CASD1: variants seen among roughly 807,000 people sequenced by gnomAD.
The protein encoded by CASD1 is CAS1 domain sialic acid O acetyltransferase 1.
In CASD1, 41 loss-of-function variants were observed where a neutral mutation model predicts 100.0. The ratio of observed to expected loss-of-function variants is 0.41; its 90% CI spans 0.32 to 0.53. The LOEUF is 0.53. Ranked by LOEUF, CASD1 falls within the 20% of genes least tolerant of loss-of-function variation. The probability of loss-of-function intolerance (pLI) is 0.25; values close to 1 mark genes in which losing one functional copy is unlikely to be tolerated. For synonymous variants in CASD1, 321 were observed against 315.6 expected (o/e 1.02, Z -0.18); for missense variants, 774 against 948.7 (o/e 0.82, Z 2.42).
chr7:94,533,835 G>C, intron 7 of CASD1, 33 bp downstream of exon 7: 3 of 1,503,972 alleles, frequency 2.0e-6, no homozygotes, highest in Non-Finnish European at 2.7e-6. Context: ...ATGTCACTTT[G>C]TGTATATTTT....
chr7:94,618,366 T>C, the CASD1 span: 8,358 of 175,072 alleles, frequency 0.048, 288 homozygotes, highest in Non-Finnish European at 0.069. Context: ...GTGGAAAGAA[T>C]GTTAAAGATG....
chr7:94,551,575 T>A (rs982749213), intron 15 of CASD1, 97 bp downstream of exon 15: 2 of 495,150 alleles, frequency 4.0e-6, no homozygotes, highest in Non-Finnish European at 6.1e-6. Context: ...AAATCTTTTT[T>A]TCTCCTTATT....
chr7:94,619,279 G>T, the CASD1 span: 1 of 209,660 alleles, frequency 4.8e-6, no homozygotes, highest in African/African-American at 2.3e-5. Context: ...CTGATCTTTT[G>T]GGGAGCATGC....
chr7:94,544,522 G>C lies in CASD1; in HGVS notation c.1468G>C (p.Val490Leu). 2 of 1,612,124 alleles carry C rather than the reference G, an allele frequency of 1.2e-6. No homozygotes were observed. The highest frequency in any genetic ancestry group is 1.7e-6 in the Non-Finnish European group (2 of 1,179,078). The part of the protein sequence containing the change: ...WIKGDFGIYR[V>L]CQVLFRLNFL... ...AAAAGGAGATTTTGGAATCTATAGA[G>C]TATGTCAGGTAGGAATGCACTGTTA... Residue 490 changes from valine (V) to leucine (L), a missense_variant, in exon 11 of 18, where the codon GTA (valine) becomes CTA (leucine). Coordinates refer to ENST00000297273, the MANE Select transcript of CASD1 (RefSeq NM_022900.5).
chr7:94,625,223 A>G, the CASD1 span: 12 of 152,130 alleles, frequency 7.9e-5, 1 homozygote, highest in East Asian at 1.3e-3. Context: ...ATATGATTAA[A>G]TATTATATAT....
chr7:94,597,255 C>T, the CASD1 span: 4 of 152,168 alleles, frequency 2.6e-5, no homozygotes, highest in African/African-American at 4.8e-5. Context: ...CCATTACTTA[C>T]ACTCTCATAC....
At chr7:94,572,462 A>T in the CASD1 span, among the ~76,000 whole-genome samples, 1 of 152,182 alleles carries the variant, frequency 6.6e-6, no homozygotes, top group East Asian at 1.9e-4. Context: ...TTGTACATTC[A>T]TCATTTCTCT....
chr7:94,531,830 T>C (rs1433494963), intron 5 of CASD1, among the ~76,000 whole-genome samples: 2 of 152,084 alleles, frequency 1.3e-5, no homozygotes, highest in Non-Finnish European at 2.9e-5. Context: ...GATGTGGTGA[T>C]GTGTGTGATT....
intron 1 of CASD1, among the ~76,000 whole-genome samples, chr7:94,515,138 C>T (rs1212389165): frequency 6.6e-6 from 1 of 151,840 alleles, no homozygotes; most frequent in African/African-American, 2.4e-5. Flanking sequence ...TTTCAGTTGT[C>T]TACTTAGCAA....
the CASD1 span, chr7:94,618,814 T>G: frequency 6.9e-5 from 111 of 1,613,994 alleles, no homozygotes; most frequent in Non-Finnish European, 8.6e-5. Flanking sequence ...CTAGGGCCGA[T>G]GTGATGTTTA....
intron 7 of CASD1, among the ~76,000 whole-genome samples, chr7:94,534,925 AGAT>A (rs1482020639): frequency 6.6e-6 from 1 of 152,228 alleles, no homozygotes; most frequent in Non-Finnish European, 1.5e-5. Flanking sequence ...AGAGAAAAAA[AGAT>A]GGGCAGCTAT....
At chr7:94,580,545 CAA>C in the CASD1 span, among the ~76,000 whole-genome samples, 13 of 152,158 alleles carry the variant, frequency 8.5e-5, no homozygotes, top group African/African-American at 2.4e-4. Context: ...TTCTTCCTTA[CAA>C]AAAATTATAA....
Position 94,535,347 on chromosome 7 carries a change from A to G in CASD1, c.667A>G (p.Met223Val), listed in dbSNP as rs1237088422. Residue 223 changes from methionine to valine, a missense_variant, in exon 8 of 18, where the codon ATG (methionine) becomes GTG (valine). Transcript: ENST00000297273. Reference sequence around the variant, plus strand: ...AGATCTATTAAGTGAAAATAGGAAGATGATCACTAATGAGAAGATAGATGC... The same window carrying G: ...AGATCTATTAAGTGAAAATAGGAAGGTGATCACTAATGAGAAGATAGATGC... ...YEDLLSENRK[M>V]ITNEKIDAYN... is the part of the protein sequence containing the mutation. The G allele has an allele frequency of 1.2e-6, 2 of 1,613,408 alleles. No homozygotes were observed. Among genetic ancestry groups the G allele is most frequent in the South Asian group, 1.1e-5 (1 of 91,062 alleles).
chr7:94,547,223 G>A (rs199576493), intron 13 of CASD1, 48 bp downstream of exon 13: 6 of 1,373,946 alleles, frequency 4.4e-6, no homozygotes, highest in African/African-American at 2.9e-5. Context: ...TTATTTTAAA[G>A]TTCAAGTCTA....
At chr7:94,565,054 A>G in the CASD1 span, among the ~76,000 whole-genome samples, 1 of 152,038 alleles carries the variant, frequency 6.6e-6, no homozygotes, top group Non-Finnish European at 1.5e-5. Context: ...TAAGTAGCAC[A>G]GTAATTCGCT....
the CASD1 span, chr7:94,599,804 C>G: frequency 2.9e-6 from 3 of 1,022,030 alleles, no homozygotes; most frequent in Non-Finnish European, 4.6e-6. Flanking sequence ...TGGGATCTTG[C>G]ATGATGTGGA....
At chr7:94,542,486 T>G (rs573257769) in intron 10 of CASD1, among the ~76,000 whole-genome samples, 2 of 152,318 alleles carry the variant, frequency 1.3e-5, no homozygotes, top group South Asian at 4.1e-4. Flanking sequence ...ATAAAATATA[T>G]TTATTGAAAT....
chr7:94,515,650 A>T (rs34578569), intron 1 of CASD1, among the ~76,000 whole-genome samples: 12,005 of 152,146 alleles, frequency 0.079, 715 homozygotes, highest in East Asian at 0.23. Flanking sequence ...CAGACACTGA[A>T]GTTTGATTAA....
In CASD1 at chr7:94,546,636, A is replaced by T. The variant is rs892886308; in HGVS notation, c.1634-460A>T. On this transcript the variant is annotated intron_variant, in intron 12 of 17. Coordinates refer to ENST00000297273, the MANE Select transcript of CASD1 (RefSeq NM_022900.5). ...TTTTAACACATAATTTTAAATATGC[A>T]TATGTTAAAATATATTTTATGTTTA... 3.3e-5 allele frequency among the ~76,000 whole-genome samples: 5 copies of T among 151,956 alleles called. 1 individual carries two copies. Among genetic ancestry groups the T allele is most frequent in the Admixed American group, 3.3e-4 (5 of 15,244 alleles).
Sources: gnomAD v4.1 joint callset for allele counts (sites outside exome capture counted in the v4.1 genomes callset) on GRCh38, gnomAD v4.1.1 for gene constraint, MANE v1.5 for transcripts, NCBI Gene and HGNC (gene_info 2026-07-23, HGNC 2026-07-21) for gene names.